Variants in KCTD16 observed in about 807,000 individuals in gnomAD.
The protein encoded by KCTD16 is BTB/POZ domain-containing protein KCTD16.
KCTD16 carries 13 observed loss-of-function variants against 33.2 expected under a neutral mutation model. That is an observed-to-expected ratio of 0.39 (90% CI 0.25 to 0.62). KCTD16 has a LOEUF of 0.62. Ranked by LOEUF, KCTD16 falls within the 20% of genes least tolerant of loss-of-function variation. KCTD16 has a pLI of 0.50. For synonymous variants in KCTD16, 197 were observed against 195.3 expected (o/e 1.01, Z -0.07); for missense variants, 441 against 525.1 (o/e 0.84, Z 1.57).
intron 3 of KCTD16, among the ~76,000 whole-genome samples, chr5:144,405,076 T>C (rs1752781977): frequency 6.6e-6 from 1 of 152,210 alleles, no homozygotes; most frequent in Admixed American, 6.5e-5. Flanking sequence ...TTATACACTA[T>C]TATTTTCCTC....
chr5:144,218,126 C>A lies in KCTD16; in HGVS notation c.832+10580C>A, dbSNP rs1580796436. 3.3e-5 allele frequency among the ~76,000 whole-genome samples: 5 copies of A among 152,110 alleles called. No individual in the cohort carries two copies. The East Asian group carries it at 9.6e-4, about 29-fold the overall frequency. ...ACCTATTGAATACCTAAAGTGTGCC[C>A]ACGATTGCACAAACCTCCAGTAATT... On this transcript the variant is annotated intron_variant, in intron 3 of 3. Transcript: ENST00000512467.
At chr5:144,369,015 G>T (rs1425864019) in intron 3 of KCTD16, among the ~76,000 whole-genome samples, 1 of 152,192 alleles carries the variant, frequency 6.6e-6, no homozygotes, top group Non-Finnish European at 1.5e-5. Flanking sequence ...AATGAGGACT[G>T]CCTCATCATC....
intron 2 of KCTD16, among the ~76,000 whole-genome samples, chr5:144,194,309 G>A (rs187735366): frequency 6.6e-6 from 1 of 152,342 alleles, no homozygotes; most frequent in East Asian, 1.9e-4. Flanking sequence ...AGTAGAAAAT[G>A]TGTTATCCAT....
intron 3 of KCTD16, among the ~76,000 whole-genome samples, chr5:144,222,677 CTT>C (rs1753797784): frequency 6.6e-6 from 1 of 152,216 alleles, no homozygotes; most frequent in Admixed American, 6.5e-5. Context: ...AATAGGAACA[CTT>C]TTACACTGTT....
At chr5:144,394,856 T>TA (rs1752530469) in intron 3 of KCTD16, among the ~76,000 whole-genome samples, 1 of 152,218 alleles carries the variant, frequency 6.6e-6, no homozygotes, top group Admixed American at 6.5e-5. Context: ...TTCTTTCCTT[T>TA]AAAAATTACC....
intron 3 of KCTD16, among the ~76,000 whole-genome samples, chr5:144,272,154 T>C (rs1755316048): frequency 6.6e-6 from 1 of 152,184 alleles, no homozygotes; most frequent in Non-Finnish European, 1.5e-5. Flanking sequence ...AAAAAAGTCT[T>C]TCCTCATGCC....
At chr5:144,472,180 C>T (rs1754491719) in intron 3 of KCTD16, among the ~76,000 whole-genome samples, 1 of 152,154 alleles carries the variant, frequency 6.6e-6, no homozygotes, top group Non-Finnish European at 1.5e-5. Flanking sequence ...AAAGGTACTA[C>T]GTTATCCTTG....
chr5:144,358,452 CAT>C (rs1380038617), intron 3 of KCTD16, among the ~76,000 whole-genome samples: 1 of 152,100 alleles, frequency 6.6e-6, no homozygotes, highest in African/African-American at 2.4e-5. Flanking sequence ...TTATTGAACT[CAT>C]ATATTTATTG....
intron 2 of KCTD16, among the ~76,000 whole-genome samples, chr5:144,192,611 T>C (rs1752864775): frequency 6.6e-6 from 1 of 152,220 alleles, no homozygotes; most frequent in African/African-American, 2.4e-5. Context: ...AGCAAGCCAC[T>C]GGTTGAGGCA....
chr5:144,207,429 A>G lies in KCTD16; in HGVS notation c.715A>G (p.Met239Val). 1 of 1,614,206 alleles carries G rather than the reference A, an allele frequency of 6.2e-7. No individual in the cohort carries two copies. Among genetic ancestry groups the G allele is most frequent in the East Asian group, 2.2e-5 (1 of 44,884 alleles). ...KFKHLERAFD[M>V]LSECGFHMVA... ...CAAGCACCTGGAAAGGGCTTTTGAT[A>G]TGTTGTCAGAGTGTGGATTCCACAT... The change falls in exon 3 of 4, where the codon ATG (methionine) becomes GTG (valine). Residue 239 changes from methionine (M) to valine (V), a missense_variant. Met to Val is a conservative substitution (Grantham distance 21). Around this residue, in one of 3 missense-constraint regions of KCTD16, gnomAD observed 355 missense variants for 413.0 expected, o/e 0.86. Transcript: ENST00000512467.
chr5:144,336,492 G>T (rs1752497692), intron 3 of KCTD16, among the ~76,000 whole-genome samples: 1 of 152,156 alleles, frequency 6.6e-6, no homozygotes, highest in Admixed American at 6.5e-5. Context: ...ACTTCTATCA[G>T]CTTGAAAATA....
intron 3 of KCTD16, among the ~76,000 whole-genome samples, chr5:144,280,266 G>T (rs1183290716): frequency 1.3e-5 from 2 of 152,000 alleles, no homozygotes; most frequent in East Asian, 3.9e-4. Flanking sequence ...TTTCCTAACT[G>T]ATTAGTAGAA....
In KCTD16 at chr5:144,480,042, A is replaced by G. The variant is rs1754674046; in HGVS notation, c.*5928A>G. On this transcript the variant is annotated 3_prime_UTR_variant, in exon 4 of 4. Coordinates refer to ENST00000512467, the MANE Select transcript of KCTD16 (RefSeq NM_020768.4). ...CCTGCATTTGCACAGTGAAAAATCAACATAACTTTATATTCTCTTCCTGCT... is the reference window on the plus strand; with the variant it reads ...CCTGCATTTGCACAGTGAAAAATCAGCATAACTTTATATTCTCTTCCTGCT... 1 of 152,028 alleles carries G rather than the reference A, an allele frequency of 6.6e-6. No homozygotes were observed. Among genetic ancestry groups the G allele is most frequent in the Non-Finnish European group, 1.5e-5 (1 of 67,968 alleles). The allele number at this position is 152,028 out of a possible 1,614,324, so 9.4% of individuals were successfully genotyped here. A position where few individuals can be genotyped will look rare whatever the true frequency, so the allele number is the denominator to read the frequency against.
chr5:144,375,872 G>A (rs546384702), intron 3 of KCTD16, among the ~76,000 whole-genome samples: 2 of 151,930 alleles, frequency 1.3e-5, no homozygotes, highest in South Asian at 4.2e-4. Context: ...GTGCAGTGGT[G>A]TGATCTCAGC....
intron 3 of KCTD16, among the ~76,000 whole-genome samples, chr5:144,400,998 G>C (rs1303967790): frequency 6.6e-6 from 1 of 152,144 alleles, no homozygotes; most frequent in African/African-American, 2.4e-5. Flanking sequence ...GGCAAAATCA[G>C]TAGCGGGCCA....
At chr5:144,185,481 A>C (rs1324885379) in intron 2 of KCTD16, among the ~76,000 whole-genome samples, 2 of 152,126 alleles carry the variant, frequency 1.3e-5, no homozygotes, top group African/African-American at 4.8e-5. Context: ...CCCAAATCAC[A>C]TCTTTTTTGG....
chr5:144,269,253 CTAAG>C (rs1196330516), intron 3 of KCTD16, among the ~76,000 whole-genome samples: 1 of 151,782 alleles, frequency 6.6e-6, no homozygotes, highest in Admixed American at 6.6e-5. Flanking sequence ...GCTCAAGAAA[CTAAG>C]TAAGATGAAT....
intron 3 of KCTD16, among the ~76,000 whole-genome samples, chr5:144,245,090 CATTT>C (rs1291609148): frequency 6.6e-6 from 1 of 152,110 alleles, no homozygotes; most frequent in Non-Finnish European, 1.5e-5. Context: ...TTCCATTGTA[CATTT>C]ATTTATTTAT....
intron 3 of KCTD16, among the ~76,000 whole-genome samples, chr5:144,443,602 A>T (rs1417471925): frequency 6.6e-6 from 1 of 152,054 alleles, no homozygotes; most frequent in Non-Finnish European, 1.5e-5. Context: ...CTGATTTTCA[A>T]GATGATGAAG....
Sources: gnomAD v4.1 joint callset for allele counts (sites outside exome capture counted in the v4.1 genomes callset) on GRCh38, gnomAD v4.1.1 for gene constraint, gnomAD v4.1.1 regional missense constraint, MANE v1.5 for transcripts, NCBI Gene and HGNC (gene_info 2026-07-23, HGNC 2026-07-21) for gene names.